EGFR: variants seen among roughly 807,000 people sequenced by gnomAD.
EGFR encodes the protein avian erythroblastic leukemia viral (v-erb-b) oncogene homolog.
Under a neutral mutation model 143.0 loss-of-function variants are expected in EGFR, and 58 were observed. The observed-to-expected ratio is 0.41, with a 90% confidence interval of 0.33 to 0.50. EGFR has a LOEUF of 0.50. Among genes scored for constraint, EGFR ranks in the 20% least tolerant of loss-of-function variants. The pLI, the probability that EGFR is intolerant of heterozygous loss-of-function variation, is 0.39. For missense variants in EGFR, 1,307 were observed against 1,579.0 expected, an observed-to-expected ratio of 0.83 and a Z score of 2.92; for synonymous variants, 613 against 594.4, an observed-to-expected ratio of 1.03 and a Z score of -0.45.
intron 1 of EGFR, among the ~76,000 whole-genome samples, chr7:55,080,137 A>C (rs1056980017): frequency 2.0e-5 from 3 of 152,124 alleles, no homozygotes; most frequent in Non-Finnish European, 2.9e-5. Flanking sequence ...TTTTGTTTAG[A>C]TGTAAATCTG....
intron 1 of EGFR, among the ~76,000 whole-genome samples, chr7:55,091,027 T>C (rs1288297969): frequency 6.6e-6 from 1 of 152,244 alleles, no homozygotes; most frequent in Non-Finnish European, 1.5e-5. Flanking sequence ...TTTAGCACTT[T>C]GTCCTGACCT....
At position 55,161,477 on chromosome 7, in the gene EGFR, G is replaced by A. The variant is rs1188281930; in HGVS notation, c.1499-22G>A. The A allele has an allele frequency of 3.1e-6, 5 of 1,611,528 alleles. No individual in the cohort carries two copies. The South Asian group carries it at 3.3e-5, about 11-fold the overall frequency. On this transcript the variant is annotated intron_variant, in intron 12 of 27. Coordinates refer to ENST00000275493, the MANE Select transcript of EGFR (RefSeq NM_005228.5). ...GGTCCCTGCTCTGTCACTGACTGCT[G>A]TGACCCACTCTGTCTCCGCAGAGGC...
At chr7:55,153,637 A>G (rs1198416397) in intron 6 of EGFR, among the ~76,000 whole-genome samples, 1 of 152,166 alleles carries the variant, frequency 6.6e-6, no homozygotes, top group Admixed American at 6.5e-5. Context: ...TATAAAATAT[A>G]CCCTCAATTG....
chr7:55,143,204 G>T, intron 2 of EGFR, 101 bp from the exon 3 acceptor site: 1 of 1,208,084 alleles, frequency 8.3e-7, no homozygotes, highest in Admixed American at 1.8e-5. Flanking sequence ...GTGTGCATTA[G>T]GGTTCAACTG....
chr7:55,108,805 A>C (rs1792291382), intron 1 of EGFR, among the ~76,000 whole-genome samples: 1 of 152,198 alleles, frequency 6.6e-6, no homozygotes. Context: ...ATAAGAGGCA[A>C]TGGATGGGTG....
intron 27 of EGFR, among the ~76,000 whole-genome samples, chr7:55,203,648 C>T: frequency 7.1e-6 from 1 of 140,700 alleles, no homozygotes; most frequent in Non-Finnish European, 1.5e-5. Context: ...TACACACACA[C>T]ACCACACACC....
chr7:55,079,355 A>G (rs1790335202), intron 1 of EGFR, among the ~76,000 whole-genome samples: 1 of 152,170 alleles, frequency 6.6e-6, no homozygotes, highest in Admixed American at 6.5e-5. Flanking sequence ...GCTGCTGAAG[A>G]TGCAGGAGCT....
At chr7:55,023,081 C>T (rs762070158) in intron 1 of EGFR, among the ~76,000 whole-genome samples, 23 of 152,130 alleles carry the variant, frequency 1.5e-4, no homozygotes, top group South Asian at 4.1e-4. Flanking sequence ...GGAAGGTAAC[C>T]CCAGGCTGGT....
chr7:55,099,078 A>G (rs949905084), intron 1 of EGFR, among the ~76,000 whole-genome samples: 3 of 152,188 alleles, frequency 2.0e-5, no homozygotes, highest in African/African-American at 7.2e-5. Context: ...ACAGAAGATG[A>G]AAATCAATTT....
intron 1 of EGFR, among the ~76,000 whole-genome samples, chr7:55,078,423 G>A (rs940482578): frequency 2.0e-5 from 3 of 152,176 alleles, no homozygotes; most frequent in Non-Finnish European, 4.4e-5. Context: ...TTCACTTCGT[G>A]TTTGTCACTC....
intron 1 of EGFR, among the ~76,000 whole-genome samples, chr7:55,097,656 T>C (rs1791559054): frequency 6.6e-6 from 1 of 152,184 alleles, no homozygotes; most frequent in South Asian, 2.1e-4. Flanking sequence ...CTGATTTCTA[T>C]AAGACCCAGG....
chr7:55,180,697 C>G (rs796853199), intron 19 of EGFR: 12 of 164,818 alleles, frequency 7.3e-5, no homozygotes, highest in African/African-American at 2.9e-4. Context: ...GGGCAGGGTC[C>G]CCAGCCCAAA....
At chr7:55,139,787 T>G (rs899626074) in intron 1 of EGFR, among the ~76,000 whole-genome samples, 1 of 152,212 alleles carries the variant, frequency 6.6e-6, no homozygotes, top group East Asian at 1.9e-4. Context: ...GGAATCATCA[T>G]GACGTAGAAT....
chr7:55,086,826 C>T (rs753967902), intron 1 of EGFR, among the ~76,000 whole-genome samples: 27 of 152,206 alleles, frequency 1.8e-4, no homozygotes, highest in Non-Finnish European at 1.5e-5. Flanking sequence ...GTTTTCCCTT[C>T]AAAGCCGTGA....
chr7:55,025,278 G>C (rs897772044), intron 1 of EGFR, among the ~76,000 whole-genome samples: 2 of 152,220 alleles, frequency 1.3e-5, no homozygotes, highest in African/African-American at 4.8e-5. Context: ...TATTGCCAGA[G>C]ACAGAGGATG....
chr7:55,143,574 A>C (rs1012735362), intron 3 of EGFR, 86 bp downstream of exon 3: 2 of 1,476,162 alleles, frequency 1.4e-6, no homozygotes, highest in Non-Finnish European at 1.9e-6. Flanking sequence ...ACTCAATTCC[A>C]CCTCGGAGAA....
intron 1 of EGFR, chr7:55,109,711 A>G (rs992412060): frequency 2.7e-5 from 27 of 984,958 alleles, no homozygotes; most frequent in Non-Finnish European, 3.3e-5. Context: ...TTTGACTCAC[A>G]GGACAAATTC....
intron 27 of EGFR, chr7:55,202,909 TGTGA>T: frequency 1.6e-6 from 1 of 640,800 alleles, no homozygotes; most frequent in Non-Finnish European, 2.8e-6. Flanking sequence ...CATCTGTGTG[TGTGA>T]GTGTTCATGA....
chr7:55,173,366 A>C (rs1034974079), intron 17 of EGFR, among the ~76,000 whole-genome samples: 3 of 152,238 alleles, frequency 2.0e-5, no homozygotes, highest in Admixed American at 2.0e-4. Context: ...GCATCTGCTT[A>C]GGACCCGGTG....
Sources: allele counts gnomAD v4.1 joint callset (sites outside exome capture counted in the v4.1 genomes callset), GRCh38; gene constraint gnomAD v4.1.1; transcripts MANE v1.5; gene names NCBI Gene and HGNC (gene_info 2026-07-23, HGNC 2026-07-21).